The following DMD variants were observed in gnomAD, a reference collection of about 807,000 sequenced individuals.
DMD encodes the protein mutant dystrophin.
Under a neutral mutation model 330.1 loss-of-function variants are expected in DMD, and 63 were observed. The observed-to-expected ratio is 0.19, with a 90% confidence interval of 0.16 to 0.24. The LOEUF is 0.24. Ranked by LOEUF, DMD falls within the 10% of genes least tolerant of loss-of-function variation. The pLI is 1.00. For synonymous variants in DMD, 1,223 were observed against 959.8 expected, an observed-to-expected ratio of 1.27 and a Z score of -5.07; for missense variants, 3,344 against 2,684.1, an observed-to-expected ratio of 1.25 and a Z score of -5.43.
At chrX:32,908,754 C>T (rs181280843) in intron 2 of DMD, among the ~76,000 whole-genome samples, 1 of 111,494 alleles carries the variant, frequency 9.0e-6, no homozygotes, top group East Asian at 2.8e-4. Context: ...TATGAAAGGG[C>T]TCAAATACCA....
intron 11 of DMD, among the ~76,000 whole-genome samples, chrX:32,615,818 G>T (rs1246982903): frequency 9.0e-6 from 1 of 111,484 alleles, no homozygotes; most frequent in Non-Finnish European, 1.9e-5. Flanking sequence ...AACATCTTAT[G>T]TTATTATGGA....
chrX:32,565,957 G>T, intron 15 of DMD, 76 bp from the exon 16 acceptor site: 1 of 925,274 alleles, frequency 1.1e-6, no homozygotes, highest in Non-Finnish European at 1.5e-6. Flanking sequence ...CTGCTTTTGC[G>T]TGTATTTGCT....
chrX:32,572,793 G>A (rs1389577045), intron 15 of DMD, among the ~76,000 whole-genome samples: 1 of 111,039 alleles, frequency 9.0e-6, no homozygotes, highest in Non-Finnish European at 1.9e-5. Context: ...GGTAGGGCCT[G>A]GTGGGAGGTG....
intron 2 of DMD, among the ~76,000 whole-genome samples, chrX:33,003,227 ATGAG>A (rs201532229): frequency 0.016 from 1,754 of 111,372 alleles, 20 homozygotes; most frequent in Non-Finnish European, 0.023. Flanking sequence ...GCTCCCACTT[ATGAG>A]TGAGAACATA....
chrX:32,932,327 AAAT>A (rs2089658074), intron 2 of DMD, among the ~76,000 whole-genome samples: 1 of 112,516 alleles, frequency 8.9e-6, no homozygotes, highest in African/African-American at 3.2e-5. Context: ...TTTGAACAAT[AAAT>A]AATAAGCATA....
intron 49 of DMD, among the ~76,000 whole-genome samples, chrX:31,823,085 AG>A (rs1482745076): frequency 8.9e-6 from 1 of 112,752 alleles, no homozygotes; most frequent in Non-Finnish European, 1.9e-5. Flanking sequence ...ATGGGGGGAA[AG>A]GGTACAGGGG....
intron 76 of DMD, among the ~76,000 whole-genome samples, chrX:31,144,434 T>C (rs2036452534): frequency 8.9e-6 from 1 of 112,013 alleles, no homozygotes; most frequent in Admixed American, 9.5e-5. Context: ...GATGTAGAAA[T>C]TGCTTGAAAG....
At chrX:31,234,506 T>C (rs1327168144) in intron 63 of DMD, among the ~76,000 whole-genome samples, 2 of 112,592 alleles carry the variant, frequency 1.8e-5, no homozygotes, top group Admixed American at 9.4e-5. Context: ...CTCCTGACTA[T>C]ATTTCATTAA....
At chrX:32,732,405 C>G (rs1249416094) in intron 7 of DMD, among the ~76,000 whole-genome samples, 1 of 110,307 alleles carries the variant, frequency 9.1e-6, no homozygotes, top group Non-Finnish European at 1.9e-5. Context: ...TCAGGAAATA[C>G]AGAGAATGCC....
chrX:32,290,338 T>C lies in DMD; in HGVS notation c.6118-2637A>G, dbSNP rs146064977. Among the ~76,000 whole-genome samples the C allele has an allele frequency of 3.3e-3, 368 of 112,066 alleles. 3 individuals carry two copies. Among genetic ancestry groups the C allele is most frequent in the Non-Finnish European group, 5.5e-3 (294 of 53,174 alleles). ...TACTAACATTAAAATATATATCAAGTAGCCGGTATATACCACTAATTTGAA... is the reference window on the plus strand; with the variant it reads ...TACTAACATTAAAATATATATCAAGCAGCCGGTATATACCACTAATTTGAA... On this transcript the variant is annotated intron_variant, in intron 42 of 78. Coordinates refer to ENST00000357033, the MANE Select transcript of DMD (RefSeq NM_004006.3).
chrX:31,128,181 TTA>T (rs2033989438), intron 77 of DMD, among the ~76,000 whole-genome samples: 1 of 111,806 alleles, frequency 8.9e-6, no homozygotes, highest in African/African-American at 3.2e-5. Context: ...AAAAGTATCT[TTA>T]TGTTTCATAA....
chrX:33,063,520 C>A (rs760380444), intron 1 of DMD, among the ~76,000 whole-genome samples: 1 of 111,710 alleles, frequency 9.0e-6, no homozygotes, highest in African/African-American at 3.2e-5. Context: ...ACACTAACAC[C>A]GTCAGAGTAA....
chrX:32,839,859 C>G (rs1028724492), intron 4 of DMD, among the ~76,000 whole-genome samples: 1 of 110,946 alleles, frequency 9.0e-6, no homozygotes, highest in African/African-American at 3.3e-5. Flanking sequence ...TACAGATGCA[C>G]ACCACCACGC....
chrX:32,311,270 C>T (rs765442365), intron 41 of DMD, among the ~76,000 whole-genome samples: 7 of 110,889 alleles, frequency 6.3e-5, no homozygotes, highest in East Asian at 5.7e-4. Context: ...GAAGTACAAA[C>T]GATAAGCATG....
In DMD at chrX:31,374,772, T is replaced by C. The variant is rs780915028; in HGVS notation, c.9085-26138A>G. ...CACCAGCATGGCACATGTATACACA[T>C]GTAACTAACCTGCACATTGTGCACA... is the stretch of plus-strand genomic sequence containing the variant. On this transcript the variant is annotated intron_variant, in intron 60 of 78. Coordinates refer to ENST00000357033, the MANE Select transcript of DMD (RefSeq NM_004006.3). Among the ~76,000 whole-genome samples the C allele has an allele frequency of 9.3e-5, 10 of 107,983 alleles. No individual in the cohort carries two copies. In the South Asian group the frequency reaches 4.3e-3, roughly 46 times the overall value. The allele number at this position is 107,983 out of a possible 115,157, so 93.8% of individuals were successfully genotyped here. A position where few individuals can be genotyped will look rare whatever the true frequency, so the allele number is the denominator to read the frequency against.
chrX:31,163,950 G>C (rs12559322), intron 74 of DMD, among the ~76,000 whole-genome samples: 92 of 112,081 alleles, frequency 8.2e-4, no homozygotes, highest in Non-Finnish European at 1.4e-3. Context: ...ATGTTTGGAA[G>C]GAAACACAAG....
intron 43 of DMD, among the ~76,000 whole-genome samples, chrX:32,271,211 T>C (rs2097364005): frequency 8.9e-6 from 1 of 111,951 alleles, no homozygotes; most frequent in Non-Finnish European, 1.9e-5. Flanking sequence ...TAAAAAAGCA[T>C]TTCAAGACAA....
intron 1 of DMD, among the ~76,000 whole-genome samples, chrX:33,121,167 C>T (rs886214279): frequency 9.1e-6 from 1 of 110,222 alleles, no homozygotes; most frequent in African/African-American, 3.3e-5. Flanking sequence ...TTTACTGGTT[C>T]CTCAAATCTC....
intron 2 of DMD, among the ~76,000 whole-genome samples, chrX:32,883,542 T>G (rs1457219892): frequency 9.0e-6 from 1 of 110,958 alleles, no homozygotes; most frequent in Non-Finnish European, 1.9e-5. Flanking sequence ...ATGGCTTCCA[T>G]GGCCAGGCGC....
Sources: gnomAD v4.1 joint callset for allele counts (sites outside exome capture counted in the v4.1 genomes callset) on GRCh38, gnomAD v4.1.1 for gene constraint, MANE v1.5 for transcripts, NCBI Gene and HGNC (gene_info 2026-07-23, HGNC 2026-07-21) for gene names.